The following PSD3 variants were observed in gnomAD, a reference collection of about 807,000 sequenced individuals.
PSD3 encodes pleckstrin and Sec7 domain containing 3.
PSD3 carries 49 observed loss-of-function variants against 105.5 expected under a neutral mutation model. The ratio of observed to expected loss-of-function variants is 0.46; its 90% CI spans 0.37 to 0.59. The LOEUF is 0.59. PSD3 is among the 20% of genes least tolerant of loss of function. The probability of loss-of-function intolerance (pLI) is 0.00; values close to 1 mark genes in which losing one functional copy is unlikely to be tolerated. For missense variants in PSD3, 1,561 were observed against 1,263.8 expected, an observed-to-expected ratio of 1.24 and a Z score of -3.57; for synonymous variants, 557 against 457.8, an observed-to-expected ratio of 1.22 and a Z score of -2.77.
At chr8:19,083,428 G>A (rs1408178089) in intron 1 of PSD3, among the ~76,000 whole-genome samples, 1 of 152,200 alleles carries the variant, frequency 6.6e-6, no homozygotes, top group Non-Finnish European at 1.5e-5. Flanking sequence ...AGAGCCCGTA[G>A]AGCTGGAAAC....
At chr8:18,559,575 GTTTA>G (rs1563321514) in intron 14 of PSD3, among the ~76,000 whole-genome samples, 1 of 152,004 alleles carries the variant, frequency 6.6e-6, no homozygotes, top group Admixed American at 6.6e-5. Flanking sequence ...ATAGAATCCA[GTTTA>G]TTTAAGAAAA....
At chr8:18,970,833 T>C (rs4921622) in intron 1 of PSD3, among the ~76,000 whole-genome samples, 65,228 of 151,490 alleles carry the variant, frequency 0.43, 14,499 homozygotes, top group Middle Eastern at 0.65. Context: ...TGTGCACCTG[T>C]AGTACCAACT....
intron 9 of PSD3, among the ~76,000 whole-genome samples, chr8:18,708,038 G>T (rs1029984550): frequency 1.3e-5 from 2 of 152,130 alleles, no homozygotes; most frequent in African/African-American, 4.8e-5. Flanking sequence ...AGAAATGTTG[G>T]CCAATTATGT....
intron 12 of PSD3, among the ~76,000 whole-genome samples, chr8:18,592,955 C>G (rs1342756961): frequency 6.6e-6 from 1 of 152,118 alleles, no homozygotes; most frequent in Non-Finnish European, 1.5e-5. Flanking sequence ...TTCCTTACAC[C>G]TTATACAAAA....
intron 2 of PSD3, among the ~76,000 whole-genome samples, chr8:18,930,841 T>TA (rs1821705005): frequency 6.6e-6 from 1 of 152,178 alleles, no homozygotes; most frequent in Admixed American, 6.5e-5. Context: ...GTGCTGGGAT[T>TA]ACAGGCATGA....
At chr8:18,571,184 C>T (rs1217518343) in intron 14 of PSD3, among the ~76,000 whole-genome samples, 3 of 152,020 alleles carry the variant, frequency 2.0e-5, no homozygotes, top group Admixed American at 6.6e-5. Context: ...TTTAAGGATG[C>T]TGGGAACCAC....
At chr8:18,954,534 C>T (rs1265552190) in intron 1 of PSD3, among the ~76,000 whole-genome samples, 5 of 151,812 alleles carry the variant, frequency 3.3e-5, no homozygotes, top group African/African-American at 9.7e-5. Context: ...AGCAATCAAC[C>T]ATCCATCCAT....
chr8:18,821,864 CACACACACCA>C (rs1563312623), intron 4 of PSD3, among the ~76,000 whole-genome samples: 21 of 88,070 alleles, frequency 2.4e-4, no homozygotes, highest in South Asian at 1.5e-3. Flanking sequence ...CACACACATG[CACACACACCA>C]CACACACACA....
At chr8:18,578,767 C>T (rs1802619722) in intron 12 of PSD3, among the ~76,000 whole-genome samples, 1 of 151,614 alleles carries the variant, frequency 6.6e-6, no homozygotes, top group Admixed American at 6.6e-5. Context: ...ACATTTATTA[C>T]AGACCCAGGA....
chr8:18,836,852 C>G (rs1563328743), intron 4 of PSD3, among the ~76,000 whole-genome samples: 1 of 152,048 alleles, frequency 6.6e-6, no homozygotes, highest in Non-Finnish European at 1.5e-5. Flanking sequence ...CCTGACCCGC[C>G]CAATATTTTT....
chr8:18,573,156 A>G (rs1037803465), intron 13 of PSD3, among the ~76,000 whole-genome samples: 7 of 152,190 alleles, frequency 4.6e-5, no homozygotes, highest in Non-Finnish European at 8.8e-5. Flanking sequence ...ACTCCTAAGT[A>G]ACTATCCAAG....
chr8:18,842,507 G>A (rs978958048), intron 4 of PSD3, among the ~76,000 whole-genome samples: 1 of 152,228 alleles, frequency 6.6e-6, no homozygotes, highest in Non-Finnish European at 1.5e-5. Flanking sequence ...TCCGAGGCGG[G>A]CGGATCACAA....
intron 9 of PSD3, among the ~76,000 whole-genome samples, chr8:18,671,119 G>A (rs1799759248): frequency 6.6e-6 from 1 of 152,106 alleles, no homozygotes; most frequent in Admixed American, 6.5e-5. Flanking sequence ...CAATTATGAT[G>A]GGAGGCAGCA....
intron 8 of PSD3, among the ~76,000 whole-genome samples, chr8:18,773,976 G>C (rs1330977717): frequency 6.6e-6 from 1 of 151,980 alleles, no homozygotes; most frequent in Non-Finnish European, 1.5e-5. Flanking sequence ...CTAATATCTT[G>C]ATTTTTTGAT....
chr8:18,927,214 T>TTTTTCGGG (rs1219146357), intron 2 of PSD3, among the ~76,000 whole-genome samples: 3 of 152,002 alleles, frequency 2.0e-5, no homozygotes, highest in African/African-American at 7.2e-5. Flanking sequence ...TTTCGGGTTT[T>TTTTTCGGG]TTTGTTTTGT....
At chr8:18,701,219 C>G (rs1563182416) in intron 9 of PSD3, among the ~76,000 whole-genome samples, 1 of 151,764 alleles carries the variant, frequency 6.6e-6, no homozygotes, top group Non-Finnish European at 1.5e-5. Context: ...ATCTTCCTGC[C>G]TTAACTTCCC....
chr8:18,877,076 T>C (rs748526526), intron 2 of PSD3, among the ~76,000 whole-genome samples: 1 of 152,226 alleles, frequency 6.6e-6, no homozygotes, highest in Non-Finnish European at 1.5e-5. Context: ...CTTTATTAGA[T>C]GTACACTTTG....
intron 2 of PSD3, among the ~76,000 whole-genome samples, chr8:18,932,800 G>C (rs542819269): frequency 1.3e-5 from 2 of 152,216 alleles, no homozygotes; most frequent in Admixed American, 1.3e-4. Flanking sequence ...GTCTTCCCCA[G>C]TTCGTCAAAC....
intron 2 of PSD3, among the ~76,000 whole-genome samples, chr8:18,913,290 T>C (rs1820368637): frequency 6.6e-6 from 1 of 152,176 alleles, no homozygotes; most frequent in Non-Finnish European, 1.5e-5. Flanking sequence ...CCCTTCTCTA[T>C]CTCGGGTTGA....
Sources: allele counts gnomAD v4.1 joint callset (sites outside exome capture counted in the v4.1 genomes callset), GRCh38; gene constraint gnomAD v4.1.1; transcripts MANE v1.5; gene names NCBI Gene and HGNC (gene_info 2026-07-23, HGNC 2026-07-21).